The following MIER1 variants were observed in gnomAD, a reference collection of about 807,000 sequenced individuals.
MIER1 encodes mesoderm induction early response protein 1.
MIER1 carries 40 observed loss-of-function variants against 75.7 expected under a neutral mutation model. The ratio of observed to expected loss-of-function variants is 0.53; its 90% CI spans 0.41 to 0.69. MIER1 has a LOEUF of 0.69. MIER1 is among the 30% of genes least tolerant of loss of function. MIER1 has a pLI of 0.00. For synonymous variants in MIER1, 213 were observed against 223.4 expected (o/e 0.95, Z 0.42); for missense variants, 574 against 680.2 (o/e 0.84, Z 1.74).
At chr1:66,935,403 GTC>G (rs1268160258) in intron 2 of MIER1, among the ~76,000 whole-genome samples, 2 of 152,070 alleles carry the variant, frequency 1.3e-5, no homozygotes, top group Non-Finnish European at 2.9e-5. Flanking sequence ...CAGTCTTTCT[GTC>G]TCTCTAGTGT....
At chr1:66,927,688 A>G (rs1214955996) in intron 2 of MIER1, among the ~76,000 whole-genome samples, 3 of 152,136 alleles carry the variant, frequency 2.0e-5, no homozygotes, top group Non-Finnish European at 4.4e-5. Flanking sequence ...TGGCATAATA[A>G]AAGAAAGAAT....
chr1:66,981,516 C>T (rs1665879464), intron 12 of MIER1, among the ~76,000 whole-genome samples: 1 of 152,120 alleles, frequency 6.6e-6, no homozygotes, highest in Admixed American at 6.5e-5. Context: ...TGAGCACCTG[C>T]CTACAACTTT....
chr1:66,973,124 G>C, intron 11 of MIER1, 133 bp downstream of exon 11: 1 of 586,198 alleles, frequency 1.7e-6, no homozygotes, highest in Non-Finnish European at 3.0e-6. Context: ...GGTATTTAGT[G>C]AGTAATTATA....
chr1:66,949,939 A>G (rs1658534868), intron 4 of MIER1, among the ~76,000 whole-genome samples: 1 of 151,972 alleles, frequency 6.6e-6, no homozygotes, highest in Non-Finnish European at 1.5e-5. Flanking sequence ...AGTGAAAACT[A>G]ACTCGAAAGA....
Position 66,958,928 on chromosome 1 carries a change from T to C in MIER1, c.579T>C (p.Ala193=). The part of the protein sequence containing the change: ...SSNDDPSQSV[A]SQDAQEIIRP... Reference sequence around the variant, plus strand: ...ATGATGATCCATCACAATCTGTTGCTTCTCAAGATGCCCAGGAAATAATCC... The same window carrying C: ...ATGATGATCCATCACAATCTGTTGCCTCTCAAGATGCCCAGGAAATAATCC... Residue 193 remains alanine (A), a synonymous_variant, in exon 6 of 14, where the codon GCT becomes GCC. Transcript: ENST00000401041. The C allele has an allele frequency of 6.2e-7, 1 of 1,613,192 alleles. No homozygotes were observed.
At chr1:66,977,417 T>G (rs570754645) in intron 12 of MIER1, among the ~76,000 whole-genome samples, 1 of 152,218 alleles carries the variant, frequency 6.6e-6, no homozygotes, top group South Asian at 2.1e-4. Flanking sequence ...GCATACAGTT[T>G]TTTTATAGAG....
At chr1:66,926,300 T>C in intron 2 of MIER1, 58 bp downstream of exon 2, 2 of 1,258,956 alleles carry the variant, frequency 1.6e-6, no homozygotes, top group South Asian at 2.4e-5. Context: ...CCTCAAGTAA[T>C]ATAAGATTAT....
At chr1:66,927,311 G>C (rs1257008536) in intron 2 of MIER1, among the ~76,000 whole-genome samples, 1 of 151,962 alleles carries the variant, frequency 6.6e-6, no homozygotes. Context: ...TTTGTATAGT[G>C]GTTTTTTGTT....
At chr1:66,937,579 C>T (rs1175185286) in intron 2 of MIER1, among the ~76,000 whole-genome samples, 2 of 149,332 alleles carry the variant, frequency 1.3e-5, no homozygotes, top group East Asian at 1.9e-4. Flanking sequence ...AGCAAGACTC[C>T]ATCTCAAAAA....
At chr1:66,963,865 ACCACTGCACTCCAGCCTGGG>A (rs1358529089) in intron 8 of MIER1, among the ~76,000 whole-genome samples, 1 of 151,912 alleles carries the variant, frequency 6.6e-6, no homozygotes, top group Non-Finnish European at 1.5e-5. Flanking sequence ...CCAGTATCGC[ACCACTGCACTCCAGCCTGGG>A]TGACAGAGCA....
chr1:66,978,181 G>A (rs553121007), intron 12 of MIER1, among the ~76,000 whole-genome samples: 46 of 146,458 alleles, frequency 3.1e-4, no homozygotes, highest in Middle Eastern at 7.5e-3. Flanking sequence ...GGGCAACAGA[G>A]CGAAACTCCA....
At chr1:66,932,014 C>T (rs1045851846) in intron 2 of MIER1, among the ~76,000 whole-genome samples, 1 of 152,112 alleles carries the variant, frequency 6.6e-6, no homozygotes, top group Middle Eastern at 3.4e-3. Context: ...ATAGCTTATA[C>T]AGAGAAATTT....
chr1:66,961,612 T>G (rs1370845130), intron 7 of MIER1, among the ~76,000 whole-genome samples: 1 of 152,206 alleles, frequency 6.6e-6, no homozygotes, highest in African/African-American at 2.4e-5. Context: ...TTTGGATAAC[T>G]TAGATGTACT....
chr1:66,968,397 T>C (rs1302895699), intron 8 of MIER1, among the ~76,000 whole-genome samples: 2 of 152,214 alleles, frequency 1.3e-5, no homozygotes, highest in African/African-American at 4.8e-5. Context: ...TGGAAAACAT[T>C]TCACAGGATA....
rs1666630582 is a variant in MIER1 at position 66,985,247 on chromosome 1, T to G, written c.*347T>G. 1 of 974,258 alleles carries G rather than the reference T, an allele frequency of 1.0e-6. No individual in the cohort carries two copies. The highest frequency in any genetic ancestry group is 1.8e-5 in the African/African-American group (1 of 57,066). The allele number at this position is 974,258 out of a possible 1,614,324, so 60.4% of individuals were successfully genotyped here. Reference sequence around the variant, plus strand: ...ACCTTCTCATTTGATGTATTAATCATAAAATTTCACTACAAGGTAATTTTT... The same window carrying G: ...ACCTTCTCATTTGATGTATTAATCAGAAAATTTCACTACAAGGTAATTTTT... On this transcript the variant is annotated 3_prime_UTR_variant, in exon 14 of 14. Coordinates refer to ENST00000401041, the MANE Select transcript of MIER1 (RefSeq NM_001077700.3).
At chr1:66,929,084 C>G in intron 2 of MIER1, 1 of 693,566 alleles carries the variant, frequency 1.4e-6, no homozygotes, top group Non-Finnish European at 2.5e-6. Context: ...TAGGAAAATG[C>G]TTGATAGAGT....
In MIER1 at chr1:66,985,779, T is replaced by C. The variant is rs1414197376; in HGVS notation, c.*879T>C. On this transcript the variant is annotated 3_prime_UTR_variant, in exon 14 of 14. Coordinates refer to ENST00000401041, the MANE Select transcript of MIER1 (RefSeq NM_001077700.3). ...TGTAGTAATTAAGTCATATTTCTTA[T>C]CCAGGTGGTTAAAGCATTCATAAAG... 2 of 928,430 alleles carry C rather than the reference T, an allele frequency of 2.2e-6. No homozygotes were observed. The highest frequency in any genetic ancestry group is 2.6e-6 in the Non-Finnish European group (2 of 778,686). The allele number at this position is 928,430 out of a possible 1,614,324, so 57.5% of individuals were successfully genotyped here.
intron 4 of MIER1, among the ~76,000 whole-genome samples, chr1:66,949,180 AT>A (rs1198894802): frequency 1.1e-4 from 17 of 152,218 alleles, no homozygotes; most frequent in Non-Finnish European, 1.8e-4. Context: ...AAAATCTTGT[AT>A]TTTCTGTCTT....
intron 12 of MIER1, among the ~76,000 whole-genome samples, chr1:66,980,319 T>C (rs1665634418): frequency 6.6e-6 from 1 of 152,222 alleles, no homozygotes; most frequent in Non-Finnish European, 1.5e-5. Context: ...GACCATCTAA[T>C]TGAATTCCCT....
Sources: allele counts gnomAD v4.1 joint callset (sites outside exome capture counted in the v4.1 genomes callset), GRCh38; gene constraint gnomAD v4.1.1; transcripts MANE v1.5; gene names NCBI Gene and HGNC (gene_info 2026-07-23, HGNC 2026-07-21).